MATCAP2: variants seen among roughly 807,000 people sequenced by gnomAD.
MATCAP2 encodes putative tyrosine carboxypeptidase MATCAP2.
At chr7:36,324,180 C>T in the MATCAP2 span, 1 of 152,146 alleles carries the variant, frequency 6.6e-6, no homozygotes, top group Non-Finnish European at 1.5e-5. Context: ...ATTGGGTTTT[C>T]AAAGAAACCA....
the MATCAP2 span, among the ~76,000 whole-genome samples, chr7:36,328,241 G>GGGGC: frequency 2.1e-4 from 5 of 23,460 alleles, 2 homozygotes; most frequent in Non-Finnish European, 6.1e-4. Flanking sequence ...TGTTTTTGTA[G>GGGGC]GGGGGGGGGG....
the MATCAP2 span, among the ~76,000 whole-genome samples, chr7:36,386,447 A>ATGTGTGTGTGTG: frequency 0.015 from 2,157 of 148,524 alleles, 17 homozygotes; most frequent in East Asian, 0.045. Flanking sequence ...GTATGTGTGT[A>ATGTGTGTGTGTG]TGTGTGTGTG....
the MATCAP2 span, among the ~76,000 whole-genome samples, chr7:36,382,223 C>G: frequency 7.0e-6 from 1 of 143,718 alleles, no homozygotes; most frequent in Non-Finnish European, 1.5e-5. Flanking sequence ...AGGAGAATCA[C>G]TTGAACCTGG....
the MATCAP2 span, among the ~76,000 whole-genome samples, chr7:36,376,296 G>T: frequency 6.6e-6 from 1 of 152,126 alleles, no homozygotes; most frequent in Admixed American, 6.5e-5. Context: ...TTGTGTCTTT[G>T]TTCTCACTGG....
At chr7:36,324,936 A>G in the MATCAP2 span, 1 of 152,264 alleles carries the variant, frequency 6.6e-6, no homozygotes, top group African/African-American at 2.4e-5. Context: ...CTTTATATTT[A>G]AATCATAAAG....
the MATCAP2 span, among the ~76,000 whole-genome samples, chr7:36,377,563 C>A: frequency 2.0e-5 from 3 of 152,140 alleles, no homozygotes; most frequent in African/African-American, 7.2e-5. Flanking sequence ...CTTGGTGAAT[C>A]TGATGATTAT....
At chr7:36,326,933 G>A in the MATCAP2 span, 2 of 1,596,462 alleles carry the variant, frequency 1.3e-6, no homozygotes, top group Non-Finnish European at 1.7e-6. Context: ...AAAAAAGGAA[G>A]ATGAGTTAAA....
the MATCAP2 span, among the ~76,000 whole-genome samples, chr7:36,382,944 C>T: frequency 1.6e-4 from 24 of 152,158 alleles, no homozygotes; most frequent in Admixed American, 2.0e-4. Flanking sequence ...TTATTAACCA[C>T]GTGAGAAAAT....
At chr7:36,329,970 A>G in the MATCAP2 span, among the ~76,000 whole-genome samples, 1 of 152,152 alleles carries the variant, frequency 6.6e-6, no homozygotes, top group Non-Finnish European at 1.5e-5. Context: ...AAAAATGTTT[A>G]ACCTGAATCT....
At chr7:36,380,230 T>A in the MATCAP2 span, among the ~76,000 whole-genome samples, 66 of 152,280 alleles carry the variant, frequency 4.3e-4, no homozygotes, top group African/African-American at 1.6e-3. Flanking sequence ...CAGCAGGTGA[T>A]TGGGTTCTCA....
At chr7:36,346,151 C>T in the MATCAP2 span, among the ~76,000 whole-genome samples, 3 of 152,074 alleles carry the variant, frequency 2.0e-5, no homozygotes, top group East Asian at 1.9e-4. Context: ...CTGATGAGAA[C>T]GTGGAGAAAC....
chr7:36,371,288 T>C, the MATCAP2 span, among the ~76,000 whole-genome samples: 1 of 151,952 alleles, frequency 6.6e-6, no homozygotes, highest in Non-Finnish European at 1.5e-5. Flanking sequence ...ATTTTTTGTA[T>C]TTTTTTGTAG....
chr7:36,331,650 G>T, the MATCAP2 span, among the ~76,000 whole-genome samples: 2 of 152,148 alleles, frequency 1.3e-5, no homozygotes, highest in East Asian at 3.8e-4. Flanking sequence ...CTAGATTTTG[G>T]AGAGCATGTA....
At chr7:36,341,986 G>C in the MATCAP2 span, among the ~76,000 whole-genome samples, 43 of 152,178 alleles carry the variant, frequency 2.8e-4, 1 homozygote, top group Admixed American at 2.3e-3. Flanking sequence ...CCTGGAAAAT[G>C]GTCTAGAATT....
At chr7:36,366,678 C>T in the MATCAP2 span, 2 of 1,533,352 alleles carry the variant, frequency 1.3e-6, no homozygotes, top group Non-Finnish European at 1.7e-6. Flanking sequence ...CAATCTTTTC[C>T]ACGAGATTCC....
chr7:36,339,159 A>G, the MATCAP2 span, among the ~76,000 whole-genome samples: 4 of 152,224 alleles, frequency 2.6e-5, no homozygotes, highest in Non-Finnish European at 4.4e-5. Flanking sequence ...CAGTTTGTCA[A>G]CACCATTCTC....
At chr7:36,356,554 A>G in the MATCAP2 span, 1 of 412,496 alleles carries the variant, frequency 2.4e-6, no homozygotes. Flanking sequence ...ATTAGAAAAC[A>G]AAAACGTAGT....
chr7:36,375,964 T>C, the MATCAP2 span, among the ~76,000 whole-genome samples: 1 of 152,228 alleles, frequency 6.6e-6, no homozygotes, highest in Non-Finnish European at 1.5e-5. Flanking sequence ...TTGCATCTAT[T>C]TGATTATTCT....
chr7:36,342,846 G>C, the MATCAP2 span, among the ~76,000 whole-genome samples: 1 of 152,142 alleles, frequency 6.6e-6, no homozygotes, highest in Non-Finnish European at 1.5e-5. Flanking sequence ...GGCTGTTCTT[G>C]AACTCCTGAG....
Sources: allele counts gnomAD v4.1 joint callset (sites outside exome capture counted in the v4.1 genomes callset), GRCh38; gene constraint gnomAD v4.1.1; transcripts MANE v1.5; gene names NCBI Gene and HGNC (gene_info 2026-07-23, HGNC 2026-07-21).